Variants in DGKH observed in about 807,000 individuals in gnomAD.
DGKH encodes DAG kinase eta.
Under a neutral mutation model 159.3 loss-of-function variants are expected in DGKH, and 90 were observed. That is an observed-to-expected ratio of 0.57 (90% confidence interval 0.48 to 0.67). The LOEUF is 0.67. DGKH is among the 30% of genes least tolerant of loss of function. DGKH has a pLI of 0.00. For synonymous variants in DGKH, 536 were observed against 553.8 expected (o/e 0.97, Z 0.45); for missense variants, 1,181 against 1,506.1 (o/e 0.78, Z 3.57).
At chr13:42,142,050 T>C (rs1955576413) in intron 3 of DGKH, among the ~76,000 whole-genome samples, 1 of 151,708 alleles carries the variant, frequency 6.6e-6, no homozygotes, top group African/African-American at 2.4e-5. Flanking sequence ...AAGTCTTTAA[T>C]CCATCTTGAA....
intron 1 of DGKH, among the ~76,000 whole-genome samples, chr13:42,050,047 A>G (rs757896203): frequency 3.9e-5 from 6 of 152,156 alleles, no homozygotes; most frequent in Non-Finnish European, 7.3e-5. Flanking sequence ...AAGGTCAATG[A>G]ACTCCTATTT....
chr13:42,044,113 CT>C (rs1880671043), upstream of DGKH: 1 of 152,330 alleles, frequency 6.6e-6, no homozygotes, highest in East Asian at 1.9e-4. Context: ...CCACCTCAGC[CT>C]CCTAACGTGC....
chr13:42,165,496 T>C, intron 8 of DGKH, 63 bp downstream of exon 8: 1 of 887,410 alleles, frequency 1.1e-6, no homozygotes, highest in South Asian at 2.8e-5. Flanking sequence ...TGTATATTTC[T>C]TTTCCTAGAA....
At chr13:42,127,336 C>A (rs375854129) in intron 1 of DGKH, 127 bp from the exon 2 acceptor site, 1 of 710,220 alleles carries the variant, frequency 1.4e-6, no homozygotes, top group African/African-American at 1.8e-5. Flanking sequence ...GTAAAATATT[C>A]TCCTGTAATT....
chr13:42,199,935 T>G, intron 20 of DGKH, 26 bp downstream of exon 20: 1 of 1,559,060 alleles, frequency 6.4e-7, no homozygotes, highest in Non-Finnish European at 8.7e-7. Flanking sequence ...AGTAAAGATA[T>G]TTCATATTAT....
intron 29 of DGKH, among the ~76,000 whole-genome samples, chr13:42,222,362 T>C (rs1227878541): frequency 6.6e-6 from 1 of 152,160 alleles, no homozygotes; most frequent in Non-Finnish European, 1.5e-5. Context: ...TTAGCAAAGA[T>C]CTTTGAATAG....
intron 1 of DGKH, among the ~76,000 whole-genome samples, chr13:42,053,759 C>A (rs1213835519): frequency 6.6e-6 from 1 of 151,922 alleles, no homozygotes; most frequent in African/African-American, 2.4e-5. Context: ...GCTGGGACTA[C>A]AGGCGCATGC....
intron 13 of DGKH, among the ~76,000 whole-genome samples, chr13:42,185,424 G>T (rs753807345): frequency 1.3e-5 from 2 of 152,166 alleles, no homozygotes; most frequent in African/African-American, 4.8e-5. Flanking sequence ...ATGGCACACT[G>T]AGGAGGGGCA....
chr13:42,108,379 T>C (rs1484589480), intron 1 of DGKH, among the ~76,000 whole-genome samples: 1 of 152,090 alleles, frequency 6.6e-6, no homozygotes, highest in Non-Finnish European at 1.5e-5. Context: ...AAGCAGTGCT[T>C]AGGAAAATAC....
intron 1 of DGKH, among the ~76,000 whole-genome samples, chr13:42,117,609 A>G (rs370505875): frequency 1.4e-4 from 22 of 152,126 alleles, no homozygotes; most frequent in African/African-American, 5.1e-4. Flanking sequence ...ATATTGTAAC[A>G]TAGAGAGGTT....
intron 8 of DGKH, among the ~76,000 whole-genome samples, chr13:42,166,214 T>C (rs1453301050): frequency 2.6e-5 from 4 of 152,134 alleles, no homozygotes; most frequent in Non-Finnish European, 5.9e-5. Context: ...TAAAAACCTG[T>C]GCTATTAACA....
chr13:42,063,552 C>A (rs544241104), intron 1 of DGKH, among the ~76,000 whole-genome samples: 2 of 152,050 alleles, frequency 1.3e-5, no homozygotes, highest in Admixed American at 1.3e-4. Flanking sequence ...ACCCTTTAAA[C>A]GAGAGGAGGG....
Position 42,092,220 on chromosome 13 carries a change from T to C in DGKH, c.193-35243T>C, listed in dbSNP as rs117092214. ...AACTAAAAATAGATCTACTGTATGA[T>C]CCAGCAATCCCACTGCTGGCTATAT... On this transcript the variant is annotated intron_variant, in intron 1 of 29. Transcript: ENST00000337343. 7.0e-4 allele frequency among the ~76,000 whole-genome samples: 106 copies of C among 152,294 alleles called. No homozygotes were observed. The East Asian group carries it at 0.017, about 24-fold the overall frequency.
At position 42,194,959 on chromosome 13, in the gene DGKH, G is replaced by A; in HGVS notation, c.2110G>A (p.Ala704Thr). 1 of 1,614,040 alleles carries A rather than the reference G, an allele frequency of 6.2e-7. No homozygotes were observed. The highest frequency in any genetic ancestry group is 8.5e-7 in the Non-Finnish European group (1 of 1,179,946). The change falls in exon 17 of 30, where the codon GCT (alanine) becomes ACT (threonine). Residue 704 changes from alanine (A) to threonine (T), a missense_variant. By Grantham distance (58) the Ala-to-Thr change is moderately conservative (BLOSUM62 0). This residue lies in a region of DGKH where 257 missense variants were observed against 281.5 expected (regional missense o/e 0.91). Transcript: ENST00000337343. The stretch of plus-strand genomic sequence containing the variant: ...CCAAACTGATTCTGTCCCTGGTCCA[G>A]CTGTGGCAGCCAGCAAAGAAAACCT... ...HSQTDSVPGP[A>T]VAASKENLPV...
chr13:42,173,948 TG>T, intron 11 of DGKH, 111 bp from the exon 12 acceptor site: 1 of 621,236 alleles, frequency 1.6e-6, no homozygotes. Context: ...TGAATGTGTG[TG>T]TGTGTGTGTG....
Position 42,234,243 on chromosome 13 carries a change from C to T in DGKH, c.*5055C>T, listed in dbSNP as rs1958367560. On this transcript the variant is annotated 3_prime_UTR_variant, in exon 30 of 30. Transcript: ENST00000337343. Reference sequence around the variant, plus strand: ...ACCAAAACACAATTGCCTAGAGATGCTTTAGCTAATTTTTATTAATAAAGA... The same window carrying T: ...ACCAAAACACAATTGCCTAGAGATGTTTTAGCTAATTTTTATTAATAAAGA... 1 of 152,082 alleles carries T rather than the reference C, an allele frequency of 6.6e-6. No individual in the cohort carries two copies. Among genetic ancestry groups the T allele is most frequent in the Admixed American group, 6.5e-5 (1 of 15,280 alleles). 9.4% of individuals were successfully genotyped at this position (152,082 alleles called of 1,614,324 possible).
At chr13:42,140,756 A>G (rs977667796) in intron 3 of DGKH, 2 of 151,822 alleles carry the variant, frequency 1.3e-5, no homozygotes, top group Non-Finnish European at 2.9e-5. Context: ...TTAGTCCTGT[A>G]CTCATTTAGA....
intron 5 of DGKH, among the ~76,000 whole-genome samples, chr13:42,156,345 C>T (rs1162134249): frequency 5.9e-5 from 9 of 152,084 alleles, no homozygotes; most frequent in East Asian, 1.9e-4. Flanking sequence ...TGGGCTCAAA[C>T]GATCCTCCTA....
rs980236617 is a variant in DGKH at position 42,236,006 on chromosome 13, G to A, written c.*6818G>A. The stretch of plus-strand genomic sequence containing the variant: ...ATGTATTTTAGTTTGCAGGATTTTT[G>A]GCAGACAAAATATTTAATAACAAAT... On this transcript the variant is annotated 3_prime_UTR_variant, in exon 30 of 30. Transcript: ENST00000337343. 6.6e-6 allele frequency: 1 copy of A among 151,916 alleles called. No homozygotes were observed. Among genetic ancestry groups the A allele is most frequent in the Admixed American group, 6.6e-5 (1 of 15,258 alleles). 9.4% of individuals were successfully genotyped at this position (151,916 alleles called of 1,614,324 possible).
Sources: gnomAD v4.1 joint callset for allele counts (sites outside exome capture counted in the v4.1 genomes callset) on GRCh38, gnomAD v4.1.1 for gene constraint, gnomAD v4.1.1 regional missense constraint, MANE v1.5 for transcripts, NCBI Gene and HGNC (gene_info 2026-07-23, HGNC 2026-07-21) for gene names.